RBMS1: variants seen among roughly 807,000 people sequenced by gnomAD.
RBMS1 encodes the protein RNA binding motif single stranded interacting protein 1.
RBMS1 carries 17 observed loss-of-function variants against 62.3 expected under a neutral mutation model. The ratio of observed to expected loss-of-function variants is 0.27; its 90% CI spans 0.19 to 0.41. The LOEUF (loss-of-function observed/expected upper bound fraction) is 0.41. RBMS1 is among the 10% of genes least tolerant of loss of function. The probability of loss-of-function intolerance (pLI) is 1.00; values close to 1 mark genes in which losing one functional copy is unlikely to be tolerated. For missense variants in RBMS1, 334 were observed against 504.5 expected (o/e 0.66, Z 3.24); for synonymous variants, 172 against 170.0 (o/e 1.01, Z -0.09).
At chr2:160,457,112 T>G (rs1024841470) in intron 1 of RBMS1, among the ~76,000 whole-genome samples, 7 of 111,338 alleles carry the variant, frequency 6.3e-5, no homozygotes, top group African/African-American at 1.8e-4. Context: ...TATTTTATTT[T>G]TATTTATTTA....
At chr2:160,421,638 T>C (rs955992110) in intron 1 of RBMS1, among the ~76,000 whole-genome samples, 1 of 152,322 alleles carries the variant, frequency 6.6e-6, no homozygotes, top group East Asian at 1.9e-4. Context: ...AGCAGCATGA[T>C]TTATAATCCT....
intron 1 of RBMS1, among the ~76,000 whole-genome samples, chr2:160,426,041 A>G (rs953713129): frequency 6.6e-6 from 1 of 152,048 alleles, no homozygotes; most frequent in Non-Finnish European, 1.5e-5. Flanking sequence ...AGGCAGCACC[A>G]CCTGCTCATT....
chr2:160,493,584 C>CTCT lies in RBMS1; in HGVS notation c.-222_-221insAGA. 2 of 608,200 alleles carry CTCT rather than the reference C, an allele frequency of 3.3e-6. No individual in the cohort carries two copies. The highest frequency in any genetic ancestry group is 3.8e-5 in the South Asian group (2 of 52,554). The allele number at this position is 608,200 out of a possible 1,614,324, so 37.7% of individuals were successfully genotyped here. On this transcript the variant is annotated 5_prime_UTR_variant, in exon 1 of 14. Coordinates refer to ENST00000348849, the MANE Select transcript of RBMS1 (RefSeq NM_016836.4). ...CCTCCTCCTCCTCTTCCTCCTCCTC[C>CTCT]TCCTCCTCCCAGGCAGAAAGAAAGA...
intron 1 of RBMS1, among the ~76,000 whole-genome samples, chr2:160,464,562 G>A (rs1684608820): frequency 6.6e-6 from 1 of 152,172 alleles, no homozygotes; most frequent in Admixed American, 6.5e-5. Context: ...AAAAAAGGAG[G>A]TAAAGCATAT....
intron 1 of RBMS1, among the ~76,000 whole-genome samples, chr2:160,448,389 T>G (rs1423707120): frequency 7.0e-6 from 1 of 143,126 alleles, no homozygotes; most frequent in Non-Finnish European, 1.5e-5. Flanking sequence ...CACTGCAACC[T>G]CCCTGCCTAA....
intron 1 of RBMS1, among the ~76,000 whole-genome samples, chr2:160,471,717 A>ATATAT (rs1422014155): frequency 1.1e-4 from 6 of 53,938 alleles, no homozygotes; most frequent in Non-Finnish European, 2.1e-4. Context: ...ATATATATAT[A>ATATAT]ACCTTTCATA....
At chr2:160,311,251 T>G (rs1379233696) in intron 4 of RBMS1, among the ~76,000 whole-genome samples, 1 of 142,268 alleles carries the variant, frequency 7.0e-6, no homozygotes, top group Non-Finnish European at 1.5e-5. Flanking sequence ...TATATATATA[T>G]ATATATAGTC....
intron 4 of RBMS1, among the ~76,000 whole-genome samples, chr2:160,310,355 T>C (rs62177263): frequency 0.076 from 11,591 of 152,220 alleles, 619 homozygotes; most frequent in South Asian, 0.19. Flanking sequence ...ATCAGCAATA[T>C]CCAAGACACA....
chr2:160,461,596 T>C lies in RBMS1; in HGVS notation c.75+31693A>G, dbSNP rs938579026. ...GGCTGGTCCAGCTTCGGGAGCGCTA[T>C]AGGCCAAGCATGTGTGCAGGCCTGC... On this transcript the variant is annotated intron_variant, in intron 1 of 13. Coordinates refer to ENST00000348849, the MANE Select transcript of RBMS1 (RefSeq NM_016836.4). Among the ~76,000 whole-genome samples the C allele has an allele frequency of 2.6e-4, 40 of 152,242 alleles. 1 individual carries two copies. Among genetic ancestry groups the C allele is most frequent in the Non-Finnish European group, 1.2e-4 (8 of 68,028 alleles).
chr2:160,331,662 C>T (rs1215979344), intron 2 of RBMS1, among the ~76,000 whole-genome samples: 1 of 152,192 alleles, frequency 6.6e-6, no homozygotes, highest in East Asian at 1.9e-4. Flanking sequence ...TTATTCTAAA[C>T]ATCTCCTTTA....
chr2:160,363,822 T>C lies in RBMS1; in HGVS notation c.251+3394A>G, dbSNP rs577949296. ...AAGTAGAAAGAGTGGAGAATAACCCTATCAGAGGATGGGACTATGGAGGAG... is the reference window on the plus strand; with the variant it reads ...AAGTAGAAAGAGTGGAGAATAACCCCATCAGAGGATGGGACTATGGAGGAG... On this transcript the variant is annotated intron_variant, in intron 2 of 13. Transcript: ENST00000348849. 9.2e-5 allele frequency among the ~76,000 whole-genome samples: 14 copies of C among 151,922 alleles called. No individual in the cohort carries two copies. In the South Asian group the frequency reaches 1.9e-3, roughly 20 times the overall value.
intron 10 of RBMS1, 41 bp from the exon 11 acceptor site, chr2:160,278,699 G>T: frequency 7.7e-7 from 1 of 1,305,010 alleles, no homozygotes. Context: ...ACAAACTGAG[G>T]CAAGAGTTAA....
rs1683398265 is a variant in RBMS1, at chr2:160,441,250, T to C, written c.75+52039A>G. On this transcript the variant is annotated intron_variant, in intron 1 of 13. Transcript: ENST00000348849. ...TAGTATGACATTTTAAGATAATTTG[T>C]TTACCCATTCTCCTGTTAATGGACA... Among the ~76,000 whole-genome samples the C allele has an allele frequency of 5.3e-5, 8 of 152,360 alleles. No homozygotes were observed. The South Asian group carries it at 1.7e-3, about 32-fold the overall frequency.
At position 160,318,229 on chromosome 2, in the gene RBMS1, TAAAAAAAAAAAA is replaced by T. The variant is rs5835799; in HGVS notation, c.252-14_252-3del. 2.6e-6 allele frequency: 3 copies of T among 1,164,710 alleles called. No individual in the cohort carries two copies. Among genetic ancestry groups the T allele is most frequent in the African/African-American group, 5.0e-5 (2 of 39,616 alleles). The allele number at this position is 1,164,710 out of a possible 1,614,324, so 72.1% of individuals were successfully genotyped here. A position where few individuals can be genotyped will look rare whatever the true frequency, so the allele number is the denominator to read the frequency against. On this transcript the variant is annotated splice_polypyrimidine_tract_variant and splice_region_variant and intron_variant, in intron 2 of 13. Transcript: ENST00000348849. ...TTTGTGGAGACTATTTTCCCATATC[TAAAAAAAAAAAA>T]AAAAAAAAAAAGGAAAAAAAGAAAA... is the stretch of plus-strand genomic sequence containing the variant.
chr2:160,459,751 C>T (rs779061456), intron 1 of RBMS1, among the ~76,000 whole-genome samples: 4 of 152,106 alleles, frequency 2.6e-5, no homozygotes, highest in Non-Finnish European at 5.9e-5. Context: ...CACAATAGGG[C>T]CTGACACTAA....
intron 1 of RBMS1, among the ~76,000 whole-genome samples, chr2:160,430,183 G>C (rs1295025526): frequency 6.6e-6 from 1 of 152,198 alleles, no homozygotes; most frequent in Non-Finnish European, 1.5e-5. Flanking sequence ...AAATGGAGCA[G>C]AAGAGCCACC....
At chr2:160,303,929 T>C (rs897898155) in intron 4 of RBMS1, among the ~76,000 whole-genome samples, 3 of 152,188 alleles carry the variant, frequency 2.0e-5, no homozygotes, top group Non-Finnish European at 4.4e-5. Flanking sequence ...TAGCATCCAA[T>C]AGGGATCTGC....
intron 1 of RBMS1, among the ~76,000 whole-genome samples, chr2:160,452,527 G>A (rs946333387): frequency 2.0e-5 from 3 of 152,110 alleles, no homozygotes; most frequent in Non-Finnish European, 4.4e-5. Flanking sequence ...TTGTTGTATT[G>A]TTATTCATTG....
intron 1 of RBMS1, among the ~76,000 whole-genome samples, chr2:160,405,294 C>G (rs1458667626): frequency 2.0e-5 from 3 of 150,758 alleles, no homozygotes; most frequent in Non-Finnish European, 4.4e-5. Flanking sequence ...GAGATCAGCT[C>G]TAACAGCTGA....
Sources: allele counts gnomAD v4.1 joint callset (sites outside exome capture counted in the v4.1 genomes callset), GRCh38; gene constraint gnomAD v4.1.1; transcripts MANE v1.5; gene names NCBI Gene and HGNC (gene_info 2026-07-23, HGNC 2026-07-21).